ZFHX3: variants seen among roughly 807,000 people sequenced by gnomAD.
The protein encoded by ZFHX3 is zinc finger homeobox protein 3.
In ZFHX3, 42 loss-of-function variants were observed where a neutral mutation model predicts 279.1. The observed-to-expected ratio is 0.15, with a 90% CI of 0.12 to 0.19. ZFHX3 has a LOEUF of 0.19. ZFHX3 is among the 10% of genes least tolerant of loss of function. The probability of loss-of-function intolerance (pLI) is 1.00; values close to 1 mark genes in which losing one functional copy is unlikely to be tolerated. For missense variants in ZFHX3, 4,981 were observed against 4,754.0 expected, an observed-to-expected ratio of 1.05 and a Z score of -1.40; for synonymous variants, 2,293 against 1,957.8, an observed-to-expected ratio of 1.17 and a Z score of -4.52.
At chr16:73,708,081 G>GT (rs903242698) in intron 1 of ZFHX3, among the ~76,000 whole-genome samples, 21 of 151,330 alleles carry the variant, frequency 1.4e-4, no homozygotes, top group Admixed American at 6.6e-4. Flanking sequence ...GGGTGTGGTG[G>GT]GGGGGGGAAG....
At chr16:73,503,004 G>A (rs776973056) in intron 2 of ZFHX3, among the ~76,000 whole-genome samples, 2 of 152,190 alleles carry the variant, frequency 1.3e-5, no homozygotes, top group Non-Finnish European at 1.5e-5. Flanking sequence ...ATGTGGCTTC[G>A]TGATGGGATG....
intron 4 of ZFHX3, chr16:73,294,004 A>C (rs1304854290): frequency 2.6e-5 from 4 of 151,450 alleles, no homozygotes; most frequent in African/African-American, 7.3e-5. Flanking sequence ...AAAAAAAAAA[A>C]AAAAAAAAAC....
At chr16:72,984,777 G>A (rs947608678) in intron 1 of ZFHX3, among the ~76,000 whole-genome samples, 22 of 152,188 alleles carry the variant, frequency 1.4e-4, no homozygotes, top group African/African-American at 5.3e-4. Context: ...CTGGGGCGAA[G>A]GGGCTAAACC....
intron 1 of ZFHX3, among the ~76,000 whole-genome samples, chr16:73,023,443 G>C (rs1964382277): frequency 6.6e-6 from 1 of 152,120 alleles, no homozygotes; most frequent in Non-Finnish European, 1.5e-5. Flanking sequence ...GGGAGGAAAG[G>C]CTGGATCCCA....
Position 72,787,443 on chromosome 16 carries a change from G to A in ZFHX3, c.10833C>T (p.His3611=), listed in dbSNP as rs754128166. 4.4e-6 allele frequency: 7 copies of A among 1,604,564 alleles called. No homozygotes were observed. In the South Asian group the frequency reaches 4.4e-5, roughly 10 times the overall value. ...CTTGCGGCCAAGACTTCCTGGAGGC[G>A]TGGGGGGAAGCGGAGGAGGGGGCGG... ...SAAAPSSASP[H]ASRKSWPQVV... The change falls in exon 10 of 10, where the codon CAC becomes CAT. Residue 3611 remains histidine, a synonymous_variant. Transcript: ENST00000268489.
chr16:73,355,345 A>C (rs2016321744), intron 3 of ZFHX3, among the ~76,000 whole-genome samples: 1 of 152,174 alleles, frequency 6.6e-6, no homozygotes, highest in South Asian at 2.1e-4. Context: ...TGGCTTAAAA[A>C]ATTCCATTTG....
chr16:73,687,748 T>C (rs1051510588), intron 1 of ZFHX3, among the ~76,000 whole-genome samples: 4 of 141,410 alleles, frequency 2.8e-5, no homozygotes, highest in African/African-American at 1.1e-4. Flanking sequence ...CTCAGGAGAC[T>C]GGGGCAGGAG....
intron 4 of ZFHX3, among the ~76,000 whole-genome samples, chr16:73,285,254 G>C (rs1306305156): frequency 1.3e-5 from 2 of 152,220 alleles, no homozygotes; most frequent in Non-Finnish European, 2.9e-5. Context: ...TGCTCTGTGA[G>C]GCAGTGCCCA....
intron 3 of ZFHX3, among the ~76,000 whole-genome samples, chr16:72,937,170 G>C (rs1960169185): frequency 6.6e-6 from 1 of 152,140 alleles, no homozygotes; most frequent in Non-Finnish European, 1.5e-5. Context: ...AATGCCAGGT[G>C]GGGAGCTGGA....
chr16:72,931,426 C>CACACAA (rs1959797922), intron 3 of ZFHX3, among the ~76,000 whole-genome samples: 1 of 142,800 alleles, frequency 7.0e-6, no homozygotes, highest in Non-Finnish European at 1.6e-5. Context: ...CACACACACA[C>CACACAA]ACACACACAC....
intron 3 of ZFHX3, among the ~76,000 whole-genome samples, chr16:72,914,863 C>T (rs1382172301): frequency 6.6e-6 from 1 of 151,982 alleles, no homozygotes; most frequent in Non-Finnish European, 1.5e-5. Context: ...TGATGGTGTG[C>T]GCCTATAGTC....
chr16:73,054,175 C>T (rs1965502608), intron 1 of ZFHX3, among the ~76,000 whole-genome samples: 1 of 152,188 alleles, frequency 6.6e-6, no homozygotes, highest in South Asian at 2.1e-4. Flanking sequence ...CCACGTTTCA[C>T]TTAATACAAG....
At chr16:73,286,507 T>A (rs2014600151) in intron 4 of ZFHX3, among the ~76,000 whole-genome samples, 1 of 152,120 alleles carries the variant, frequency 6.6e-6, no homozygotes, top group Non-Finnish European at 1.5e-5. Context: ...CAGACCCCGG[T>A]CTCCTTGGTA....
chr16:73,600,444 G>C (rs901462612), intron 2 of ZFHX3, among the ~76,000 whole-genome samples: 4 of 138,226 alleles, frequency 2.9e-5, no homozygotes, highest in African/African-American at 8.3e-5. Context: ...TTGAGATGGA[G>C]TCTCGCTCTG....
At chr16:73,809,286 A>C (rs1338495704) in intron 1 of ZFHX3, 1 of 152,232 alleles carries the variant, frequency 6.6e-6, no homozygotes, top group African/African-American at 2.4e-5. Context: ...GCACCGGGCA[A>C]ATGCAGCATA....
chr16:72,822,363 T>C (rs771220318), intron 5 of ZFHX3, among the ~76,000 whole-genome samples: 13 of 152,142 alleles, frequency 8.5e-5, no homozygotes, highest in Non-Finnish European at 1.6e-4. Context: ...ATGTAGAAAA[T>C]ATATCTGACT....
At position 73,020,960 on chromosome 16, in the gene ZFHX3, A is replaced by G. The variant is rs962037375; in HGVS notation, c.-50+26792T>C. On this transcript the variant is annotated intron_variant, in intron 1 of 9. Coordinates refer to ENST00000268489, the MANE Select transcript of ZFHX3 (RefSeq NM_006885.4). ...TTTAGTCTCTGAGCTTTTCTCATCT[A>G]CAAAATGAGATGTGTCCCCACTCTG... 1.1e-4 allele frequency among the ~76,000 whole-genome samples: 16 copies of G among 152,220 alleles called. No homozygotes were observed. In the East Asian group the frequency reaches 3.1e-3, roughly 29 times the overall value.
At chr16:73,260,728 C>A (rs904157653) in intron 4 of ZFHX3, among the ~76,000 whole-genome samples, 1 of 131,134 alleles carries the variant, frequency 7.6e-6, no homozygotes, top group African/African-American at 2.9e-5. Flanking sequence ...TTTGCTCTTG[C>A]CGCCCAGGCT....
At chr16:73,298,551 T>C (rs1483387083) in intron 4 of ZFHX3, among the ~76,000 whole-genome samples, 1 of 151,384 alleles carries the variant, frequency 6.6e-6, no homozygotes, top group East Asian at 2.0e-4. Flanking sequence ...GAGAGACTGT[T>C]GTTGATTGTG....
Sources: gnomAD v4.1 joint callset for allele counts (sites outside exome capture counted in the v4.1 genomes callset) on GRCh38, gnomAD v4.1.1 for gene constraint, MANE v1.5 for transcripts, NCBI Gene and HGNC (gene_info 2026-07-23, HGNC 2026-07-21) for gene names.